The following LTK variants were observed in gnomAD, a reference collection of about 807,000 sequenced individuals.
LTK encodes leukocyte tyrosine kinase receptor.
A neutral mutation model predicts 101.5 loss-of-function variants in LTK; 117 were observed. That is an observed-to-expected ratio of 1.15 (90% CI 0.99 to 1.34). The LOEUF is 1.34. Ranked by LOEUF, LTK falls within the 40% of genes most tolerant of loss-of-function variation. The pLI is 0.00. For missense variants in LTK, 1,252 were observed against 1,164.7 expected (o/e 1.07, Z -1.09); for synonymous variants, 563 against 494.2 (o/e 1.14, Z -1.85).
rs778749210 is a variant in LTK at position 41,505,781 on chromosome 15, G to A, written c.1633-4C>T. 50 of 1,613,606 alleles carry A rather than the reference G, an allele frequency of 3.1e-5. 1 individual carries two copies. In the Admixed American group the frequency reaches 4.5e-4, roughly 15 times the overall value. On this transcript the variant is annotated splice_polypyrimidine_tract_variant and splice_region_variant and intron_variant, in intron 12 of 19. Coordinates refer to ENST00000263800, the MANE Select transcript of LTK (RefSeq NM_002344.6). ...GCGAGCAGAGTTCTGGCAGGGTCTG[G>A]GGAGGAAAAGGGCACAGTTTCTGAG...
chr15:41,507,146 G>T lies in LTK; in HGVS notation c.1490C>A (p.Pro497His). The T allele has an allele frequency of 6.2e-7, 1 of 1,613,692 alleles. No homozygotes were observed. The highest frequency in any genetic ancestry group is 8.5e-7 in the Non-Finnish European group (1 of 1,179,916). ...QVGLGPAQSW[P>H]LPPGVTEVSP... ...AACCTCGGTGACACCTGGTGGCAGA[G>T]GCCAGGACTGGGCCGGGCCAAGCCC... is the stretch of plus-strand genomic sequence containing the variant. Residue 497 changes from proline (P) to histidine (H), a missense_variant, in exon 11 of 20, where the codon CCT (proline) becomes CAT (histidine). By Grantham distance (77) the Pro-to-His change is moderately conservative (BLOSUM62 -2). Transcript: ENST00000263800.
intron 15 of LTK, 70 bp downstream of exon 15, chr15:41,505,138 C>G: frequency 1.9e-6 from 3 of 1,585,706 alleles, no homozygotes; most frequent in Non-Finnish European, 2.6e-6. Flanking sequence ...TCCTTAAAAG[C>G]TGTGTGGAAG....
At position 41,508,067 on chromosome 15, in the gene LTK, A is replaced by C. The variant is rs1313167134; in HGVS notation, c.1249+2T>G. On this transcript the variant is annotated splice_donor_variant, in intron 9 of 19. Transcript: ENST00000263800. LOFTEE classifies it high-confidence loss of function. ...CAGACCTTGGGCAAAGGTAGGACATACCCATGCAGGTGACGTTATCCACAG... is the reference window on the plus strand; with the variant it reads ...CAGACCTTGGGCAAAGGTAGGACATCCCCATGCAGGTGACGTTATCCACAG... The C allele has an allele frequency of 6.3e-7, 1 of 1,598,588 alleles. No individual in the cohort carries two copies. The highest frequency in any genetic ancestry group is 8.5e-7 in the Non-Finnish European group (1 of 1,172,484).
chr15:41,503,710 A>G lies in LTK; in HGVS notation c.*286T>C. On this transcript the variant is annotated 3_prime_UTR_variant, in exon 20 of 20. Transcript: ENST00000263800. ...TCTGCCCAGATGAAGGATGCTCATA[A>G]TGGGAGAGCAATCCAGTGCTCCCCA... 1 of 645,840 alleles carries G rather than the reference A, an allele frequency of 1.5e-6. No homozygotes were observed. The allele number at this position is 645,840 out of a possible 1,614,324, so 40.0% of individuals were successfully genotyped here.
Position 41,511,843 on chromosome 15 carries a change from C to T in LTK, c.631G>A (p.Gly211Ser). ...CGGAAAACGTAGGTGGCGCCCCCGC[C>T]ACCCCCGCCACCTCCCGCCCAGCGC... ...SRRWAGGGGG[G>S]GGATYVFRVR... Residue 211 changes from glycine to serine, a missense_variant, in exon 5 of 20, where the codon GGC becomes AGC. By Grantham distance (56) the Gly-to-Ser change is moderately conservative. Transcript: ENST00000263800. This position sits in a 1 kb window ranked among gnomAD's most constrained non-coding sequence, Gnocchi z 5.9. The T allele has an allele frequency of 6.8e-7, 1 of 1,475,350 alleles. No homozygotes were observed. Among genetic ancestry groups the T allele is most frequent in the South Asian group, 1.3e-5 (1 of 76,214 alleles). 91.4% of individuals were successfully genotyped at this position (1,475,350 alleles called of 1,614,324 possible). A position where few individuals can be genotyped will look rare whatever the true frequency, so the allele number is the denominator to read the frequency against.
chr15:41,504,547 T>G lies in LTK; in HGVS notation c.2214A>C (p.Gly738=), dbSNP rs1595454676. ...TNQEVLDFVV[G]GGRMDPPRGC... is the part of the protein sequence containing the mutation. ...CCCTAGGAGGGTCCATCCGGCCTCC[T>G]CCAACGACGAAGTCCAGCACCTCCT... is the stretch of plus-strand genomic sequence containing the variant. Residue 738 remains glycine, a synonymous_variant, in exon 18 of 20, where the codon GGA becomes GGC. Coordinates refer to ENST00000263800, the MANE Select transcript of LTK (RefSeq NM_002344.6). The G allele has an allele frequency of 6.2e-7, 1 of 1,613,800 alleles. No individual in the cohort carries two copies. Among genetic ancestry groups the G allele is most frequent in the Non-Finnish European group, 8.5e-7 (1 of 1,179,960 alleles).
Position 41,513,038 on chromosome 15 carries a change from C to T in LTK, c.126G>A (p.Arg42=), listed in dbSNP as rs767645423. The T allele has an allele frequency of 7.0e-5, 113 of 1,612,580 alleles. No individual in the cohort carries two copies. The highest frequency in any genetic ancestry group is 9.2e-5 in the Non-Finnish European group (109 of 1,179,704). ...TAGGCGGGGCGCTGACTTTCGGGTC[C>T]CGGGGGCTGGGACTTGCCAGCGGCA... is the stretch of plus-strand genomic sequence containing the variant. The part of the protein sequence containing the change: ...SPLPLASPSP[R]DPKVSAPPSI... The change falls in exon 2 of 20, where the codon CGG becomes CGA. Residue 42 remains arginine (R), a synonymous_variant. Transcript: ENST00000263800.
At position 41,507,205 on chromosome 15, in the gene LTK, G is replaced by A. The variant is rs747001951; in HGVS notation, c.1431C>T (p.Ile477=). 6.8e-6 allele frequency: 11 copies of A among 1,613,894 alleles called. No individual in the cohort carries two copies. The highest frequency in any genetic ancestry group is 7.6e-6 in the Non-Finnish European group (9 of 1,179,936). The change falls in exon 11 of 20, where the codon ATC becomes ATT. Residue 477 remains isoleucine, a synonymous_variant. Transcript: ENST00000263800. ...AATAATAGGGATTGGGGGCTGTCCT[G>A]ATGGCAGAGGTTCGAAGCTTGCTCA... ...LELSKLRTSA[I]RTAPNPYYCQ...
In LTK at chr15:41,512,039, A is replaced by G. The variant is rs905461737; in HGVS notation, c.510+76T>C. On this transcript the variant is annotated intron_variant, in intron 4 of 19. Coordinates refer to ENST00000263800, the MANE Select transcript of LTK (RefSeq NM_002344.6). The stretch of plus-strand genomic sequence containing the variant: ...TGTGCTGGTGACCCGGCACCGAGGA[A>G]AGCACGCTCCCCCGGCCCCCAGGCA... 8.1e-6 allele frequency: 12 copies of G among 1,478,440 alleles called. No individual in the cohort carries two copies. The Admixed American group carries it at 1.5e-4, about 18-fold the overall frequency. The allele number at this position is 1,478,440 out of a possible 1,614,324, so 91.6% of individuals were successfully genotyped here.
In LTK at chr15:41,513,760, C is replaced by A. The variant is rs1300857128; in HGVS notation, c.-51G>T. On this transcript the variant is annotated 5_prime_UTR_variant, in exon 1 of 20. Coordinates refer to ENST00000263800, the MANE Select transcript of LTK (RefSeq NM_002344.6). ...AAGCCCTTGCGGTCGCGGCCACACC[C>A]CTGTCAACCTAAAGTTGACAGCTCA... is the stretch of plus-strand genomic sequence containing the variant. 6.6e-7 allele frequency: 1 copy of A among 1,522,234 alleles called. No individual in the cohort carries two copies. The highest frequency in any genetic ancestry group is 1.7e-5 in the Admixed American group (1 of 59,908). The allele number at this position is 1,522,234 out of a possible 1,614,324, so 94.3% of individuals were successfully genotyped here.
Position 41,505,460 on chromosome 15 carries a change from G to T in LTK, c.1768C>A (p.Leu590Met), listed in dbSNP as rs1180253328. ...SLRATPRLIL[L>M]ELMSGGDMKS... Reference sequence around the variant, plus strand: ...ATGTCCCCTCCAGACATCAGTTCCAGCAGAATGAGGCGAGGGGTGGCCCTG... The same window carrying T: ...ATGTCCCCTCCAGACATCAGTTCCATCAGAATGAGGCGAGGGGTGGCCCTG... The change falls in exon 14 of 20, where the codon CTG (leucine) becomes ATG (methionine). Residue 590 changes from leucine (L) to methionine (M), a missense_variant. Leu to Met is a conservative substitution (Grantham distance 15). Coordinates refer to ENST00000263800, the MANE Select transcript of LTK (RefSeq NM_002344.6). The T allele has an allele frequency of 1.3e-5, 21 of 1,614,016 alleles. No individual in the cohort carries two copies. The highest frequency in any genetic ancestry group is 1.8e-5 in the Non-Finnish European group (21 of 1,180,010).
intron 12 of LTK, 33 bp downstream of exon 12, chr15:41,505,882 C>G (rs1198903529): frequency 6.9e-6 from 11 of 1,605,132 alleles, no homozygotes; most frequent in Non-Finnish European, 9.4e-6. Context: ...GTTCCGCTCT[C>G]CTACCCCCAG....
Position 41,511,291 on chromosome 15 carries a change from C to G in LTK, c.870G>C (p.Leu290=). 2 of 1,396,322 alleles carry G rather than the reference C, an allele frequency of 1.4e-6. No individual in the cohort carries two copies. Among genetic ancestry groups the G allele is most frequent in the Middle Eastern group, 2.4e-4 (1 of 4,094 alleles). The allele number at this position is 1,396,322 out of a possible 1,614,324, so 86.5% of individuals were successfully genotyped here. A position where few individuals can be genotyped will look rare whatever the true frequency, so the allele number is the denominator to read the frequency against. The change falls in exon 7 of 20, where the codon CTG becomes CTC. Residue 290 remains leucine, a synonymous_variant. Transcript: ENST00000263800. This position sits in a 1 kb window ranked among gnomAD's most constrained non-coding sequence, Gnocchi z 5.9. ...CCTGGCCGCCCTCCGCCCCCTCCTG[C>G]AGTGAGCGGCCGGCCTGCGGAGAGG... is the stretch of plus-strand genomic sequence containing the variant. ...RAPSPQAGRS[L]QEGAEGGQGC... is the part of the protein sequence containing the mutation.
At chr15:41,510,781 A>G (rs1272684500) in intron 7 of LTK, among the ~76,000 whole-genome samples, 1 of 152,160 alleles carries the variant, frequency 6.6e-6, no homozygotes, top group Non-Finnish European at 1.5e-5. Flanking sequence ...ATTTCGAACA[A>G]CTTAGGTTGT....
In LTK at chr15:41,511,402, C is replaced by T. The variant is rs909520095; in HGVS notation, c.814+20G>A. 2.9e-6 allele frequency: 4 copies of T among 1,373,852 alleles called. No homozygotes were observed. Among genetic ancestry groups the T allele is most frequent in the South Asian group, 1.7e-5 (1 of 58,756 alleles). The allele number at this position is 1,373,852 out of a possible 1,614,324, so 85.1% of individuals were successfully genotyped here. ...CACACGGGGAGCACGCCCGCCTCTCCCCGCGGCCCGCGCCCTCACCTGCCG... is the reference window on the plus strand; with the variant it reads ...CACACGGGGAGCACGCCCGCCTCTCTCCGCGGCCCGCGCCCTCACCTGCCG... On this transcript the variant is annotated intron_variant, in intron 6 of 19. Coordinates refer to ENST00000263800, the MANE Select transcript of LTK (RefSeq NM_002344.6). This position sits in a 1 kb window ranked among gnomAD's most constrained non-coding sequence, Gnocchi z 5.9.
intron 13 of LTK, 78 bp downstream of exon 13, chr15:41,505,635 T>A: frequency 6.2e-7 from 1 of 1,604,320 alleles, no homozygotes; most frequent in Non-Finnish European, 8.5e-7. Flanking sequence ...ACTTGCTACC[T>A]CAGCCTCAGG....
chr15:41,511,173 C>G lies in LTK; in HGVS notation c.988G>C (p.Gly330Arg). The change falls in exon 7 of 20, where the codon GGC (glycine) becomes CGC (arginine). Residue 330 changes from glycine to arginine, a missense_variant. By Grantham distance (125) the Gly-to-Arg change is moderately radical. Transcript: ENST00000263800. The surrounding 1 kb of genome is among the most constrained non-coding windows in gnomAD (Gnocchi z 5.9). ...CCAACGGTGCACCTACCCCTGTAGC[C>G]GCCGCCGCCTCCGCCCGCAGTGCAG... is the stretch of plus-strand genomic sequence containing the variant. The part of the protein sequence containing the change: ...GACTAGGGGG[G>R]YRGGDASETD... The G allele has an allele frequency of 2.9e-6, 4 of 1,388,628 alleles. No individual in the cohort carries two copies. The highest frequency in any genetic ancestry group is 3.7e-6 in the Non-Finnish European group (4 of 1,078,486). 86.0% of individuals were successfully genotyped at this position (1,388,628 alleles called of 1,614,324 possible). A position where few individuals can be genotyped will look rare whatever the true frequency, so the allele number is the denominator to read the frequency against.
intron 7 of LTK, among the ~76,000 whole-genome samples, 157 bp from the exon 8 acceptor site, chr15:41,509,286 G>A (rs1055923862): frequency 6.6e-6 from 1 of 152,136 alleles, no homozygotes; most frequent in Non-Finnish European, 1.5e-5. Flanking sequence ...GGTGAGGAGG[G>A]GGTAATCAGC....
chr15:41,512,535 C>T (rs1381221220), intron 3 of LTK, among the ~76,000 whole-genome samples, 172 bp downstream of exon 3: 1 of 152,146 alleles, frequency 6.6e-6, no homozygotes, highest in Non-Finnish European at 1.5e-5. Context: ...TAAGAGGTTC[C>T]GGGTAAGGGC....
Sources: allele counts gnomAD v4.1 joint callset (sites outside exome capture counted in the v4.1 genomes callset), GRCh38; gene constraint gnomAD v4.1.1; non-coding constraint Gnocchi (gnomAD v3.1); transcripts MANE v1.5; gene names NCBI Gene and HGNC (gene_info 2026-07-23, HGNC 2026-07-21).